Variants in TRAPPC9 observed in about 807,000 individuals in gnomAD.
TRAPPC9 encodes IKK2 binding protein.
TRAPPC9 carries 83 observed loss-of-function variants against 124.0 expected under a neutral mutation model. The observed-to-expected ratio is 0.67, with a 90% CI of 0.56 to 0.80. The LOEUF is 0.80. TRAPPC9 is among the 30% of genes least tolerant of loss of function. The pLI is 0.00. For missense variants in TRAPPC9, 1,302 were observed against 1,508.3 expected (o/e 0.86, Z 2.27); for synonymous variants, 638 against 617.5 (o/e 1.03, Z -0.49).
intron 7 of TRAPPC9, among the ~76,000 whole-genome samples, chr8:140,385,244 A>T (rs989392319): frequency 2.6e-5 from 4 of 152,236 alleles, no homozygotes; most frequent in Admixed American, 1.3e-4. Flanking sequence ...ACACCCTAAC[A>T]TCGTAATTAA....
At chr8:140,366,926 G>C (rs1392135876) in intron 8 of TRAPPC9, among the ~76,000 whole-genome samples, 2 of 152,146 alleles carry the variant, frequency 1.3e-5, no homozygotes, top group African/African-American at 4.8e-5. Flanking sequence ...GATCTGAACA[G>C]ACATTTCACC....
At chr8:140,172,265 C>A (rs76402041) in intron 17 of TRAPPC9, among the ~76,000 whole-genome samples, 1 of 152,134 alleles carries the variant, frequency 6.6e-6, no homozygotes, top group Non-Finnish European at 1.5e-5. Flanking sequence ...GGAAGAGATA[C>A]AATTAAAAGC....
chr8:139,851,255 C>T (rs929944433), intron 21 of TRAPPC9, among the ~76,000 whole-genome samples: 2 of 152,222 alleles, frequency 1.3e-5, no homozygotes, highest in Non-Finnish European at 2.9e-5. Flanking sequence ...AGCATACTTT[C>T]TTGAACTTGA....
At chr8:140,107,006 A>G (rs1289603105) in intron 17 of TRAPPC9, among the ~76,000 whole-genome samples, 1 of 152,232 alleles carries the variant, frequency 6.6e-6, no homozygotes, top group East Asian at 1.9e-4. Context: ...TGAGCGCCAG[A>G]AGTCTAAGAA....
chr8:140,252,692 A>G lies in TRAPPC9; in HGVS notation c.2431+85T>C. The G allele has an allele frequency of 6.6e-7, 1 of 1,518,652 alleles. No individual in the cohort carries two copies. Among genetic ancestry groups the G allele is most frequent in the Non-Finnish European group, 9.0e-7 (1 of 1,105,432 alleles). The allele number at this position is 1,518,652 out of a possible 1,614,324, so 94.1% of individuals were successfully genotyped here. A position where few individuals can be genotyped will look rare whatever the true frequency, so the allele number is the denominator to read the frequency against. On this transcript the variant is annotated intron_variant, in intron 16 of 22. Coordinates refer to ENST00000438773, the MANE Select transcript of TRAPPC9 (RefSeq NM_001160372.4). This position sits in a 1 kb window ranked among gnomAD's most constrained non-coding sequence, Gnocchi z 4.2. ...AATGAATGACAAGTGAGTTACAAAC[A>G]GCAAACAGCAGGCATCAAGGGATGG...
intron 18 of TRAPPC9, among the ~76,000 whole-genome samples, chr8:140,010,747 G>A (rs1364823029): frequency 6.6e-6 from 1 of 152,194 alleles, no homozygotes; most frequent in Non-Finnish European, 1.5e-5. Flanking sequence ...GTAAATTATG[G>A]AGGAAGATTC....
chr8:140,427,370 A>ATC lies in TRAPPC9; in HGVS notation c.860-731_860-730dup, dbSNP rs921715039. Among the ~76,000 whole-genome samples the ATC allele has an allele frequency of 2.8e-3, 399 of 145,084 alleles. 2 individuals are homozygous for ATC. The highest frequency in any genetic ancestry group is 9.6e-3 in the African/African-American group (380 of 39,406). On this transcript the variant is annotated intron_variant, in intron 4 of 22. Transcript: ENST00000438773. ...CTAAAATACATCTCTCTATATATAT[A>ATC]TCTCTCTCTCACACACACACACACA...
At chr8:139,939,196 G>C (rs1833742544) in intron 19 of TRAPPC9, among the ~76,000 whole-genome samples, 1 of 152,232 alleles carries the variant, frequency 6.6e-6, no homozygotes, top group Non-Finnish European at 1.5e-5. Context: ...ATTTGCCATG[G>C]GAGCCAGAGA....
chr8:140,429,993 A>C (rs766445297), intron 4 of TRAPPC9, among the ~76,000 whole-genome samples: 14 of 147,630 alleles, frequency 9.5e-5, no homozygotes, highest in Non-Finnish European at 2.1e-4. Flanking sequence ...CTAAACATAC[A>C]AAAATTAGCT....
chr8:140,034,831 C>G (rs866865058), intron 17 of TRAPPC9, among the ~76,000 whole-genome samples: 2 of 152,228 alleles, frequency 1.3e-5, no homozygotes, highest in African/African-American at 4.8e-5. Flanking sequence ...GGTCTGAGTC[C>G]GAAGGTCCTG....
chr8:140,176,048 T>C (rs955974208), intron 17 of TRAPPC9, among the ~76,000 whole-genome samples: 4 of 152,208 alleles, frequency 2.6e-5, no homozygotes, highest in Non-Finnish European at 5.9e-5. Flanking sequence ...ACTCAGTGTG[T>C]GCTAAGTGAT....
chr8:140,311,774 A>G (rs549588626), intron 9 of TRAPPC9, among the ~76,000 whole-genome samples: 1 of 152,350 alleles, frequency 6.6e-6, no homozygotes, highest in South Asian at 2.1e-4. Context: ...GTCCCTCAGG[A>G]GTTTGTAATT....
chr8:139,955,271 C>T (rs1834899152), intron 19 of TRAPPC9, among the ~76,000 whole-genome samples: 1 of 152,048 alleles, frequency 6.6e-6, no homozygotes, highest in African/African-American at 2.4e-5. Context: ...CTGTAGGAGC[C>T]TCATGTAGGT....
At chr8:140,085,385 C>T (rs1587673242) in intron 17 of TRAPPC9, among the ~76,000 whole-genome samples, 1 of 148,282 alleles carries the variant, frequency 6.7e-6, no homozygotes, top group African/African-American at 2.5e-5. Context: ...GACTGAAAAA[C>T]AGAAATTTCA....
intron 1 of TRAPPC9, among the ~76,000 whole-genome samples, chr8:140,455,709 G>A (rs539765852): frequency 4.6e-5 from 7 of 152,286 alleles, no homozygotes; most frequent in Admixed American, 3.3e-4. Flanking sequence ...GATTACAGGC[G>A]TGAGCCACCA....
intron 4 of TRAPPC9, among the ~76,000 whole-genome samples, chr8:140,434,184 C>T (rs1353773191): frequency 6.6e-6 from 1 of 152,170 alleles, no homozygotes; most frequent in Non-Finnish European, 1.5e-5. Context: ...GCCCGCTGCT[C>T]GGCCCACTCC....
chr8:140,165,361 C>T (rs1049808979), intron 17 of TRAPPC9, among the ~76,000 whole-genome samples: 1 of 149,968 alleles, frequency 6.7e-6, no homozygotes, highest in Non-Finnish European at 1.5e-5. Flanking sequence ...AAAATAAAAA[C>T]AAAATAAAAT....
At chr8:139,814,404 G>A (rs903376875) in intron 21 of TRAPPC9, among the ~76,000 whole-genome samples, 5 of 152,216 alleles carry the variant, frequency 3.3e-5, no homozygotes, top group Non-Finnish European at 7.3e-5. Flanking sequence ...TGGGAGAGCA[G>A]ACTGTCTAGC....
At chr8:139,932,489 G>A (rs771528233) in intron 19 of TRAPPC9, 12 of 457,046 alleles carry the variant, frequency 2.6e-5, no homozygotes, top group Middle Eastern at 3.7e-4. Context: ...GACACTGGGC[G>A]CGGTGGCTCA....
Sources: gnomAD v4.1 joint callset for allele counts (sites outside exome capture counted in the v4.1 genomes callset) on GRCh38, gnomAD v4.1.1 for gene constraint, Gnocchi (gnomAD v3.1) non-coding constraint, MANE v1.5 for transcripts, NCBI Gene and HGNC (gene_info 2026-07-23, HGNC 2026-07-21) for gene names.